KCNJ12: variants seen among roughly 807,000 people sequenced by gnomAD.
The protein encoded by KCNJ12 is potassium inwardly rectifying channel subfamily J member 12, also known as ATP-sensitive inward rectifier potassium channel 12.
Under a neutral mutation model 22.3 loss-of-function variants are expected in KCNJ12, and 2 were observed. The observed-to-expected ratio is 0.09, with a 90% confidence interval of 0.04 to 0.28. The LOEUF (loss-of-function observed/expected upper bound fraction) is 0.28, where lower values mean the gene tolerates loss of function less well. Ranked by LOEUF, KCNJ12 falls within the 10% of genes least tolerant of loss-of-function variation. The pLI, the probability that KCNJ12 is intolerant of heterozygous loss-of-function variation, is 1.00. For synonymous variants in KCNJ12, 117 were observed against 261.4 expected, an observed-to-expected ratio of 0.45 and a Z score of 5.33; for missense variants, 155 against 633.3, an observed-to-expected ratio of 0.24 and a Z score of 8.11.
intron 1 of KCNJ12, among the ~76,000 whole-genome samples, chr17:21,402,427 G>A (rs1331545112): frequency 6.6e-6 from 1 of 152,306 alleles, no homozygotes; most frequent in Non-Finnish European, 1.5e-5. Flanking sequence ...AGGCTGGGCA[G>A]ACGCCGCTGA....
rs1442171358 is a variant in KCNJ12 at position 21,418,308 on chromosome 17, G to C, written c.*1664G>C. 3.5e-5 allele frequency: 5 copies of C among 142,148 alleles called. No homozygotes were observed. The highest frequency in any genetic ancestry group is 6.1e-5 in the Non-Finnish European group (4 of 65,596). 8.8% of individuals were successfully genotyped at this position (142,148 alleles called of 1,614,324 possible). On this transcript the variant is annotated 3_prime_UTR_variant, in exon 3 of 3. Coordinates refer to ENST00000583088, the MANE Select transcript of KCNJ12 (RefSeq NM_021012.5). ...CCCCGAGACAGCTCAGAGCCAGAAG[G>C]CACCCCGAGACAGCTCAGAGCCAGA...
intron 1 of KCNJ12, among the ~76,000 whole-genome samples, chr17:21,378,157 C>T (rs1353595683): frequency 2.0e-5 from 3 of 152,208 alleles, no homozygotes; most frequent in East Asian, 1.9e-4. Flanking sequence ...AAAGGAGAGC[C>T]GGTCCCTGGC....
chr17:21,381,791 C>A (rs918589658), intron 1 of KCNJ12, among the ~76,000 whole-genome samples: 2 of 152,220 alleles, frequency 1.3e-5, no homozygotes, highest in Admixed American at 6.5e-5. Context: ...GTCTATCTTT[C>A]CCTTGGAATA....
intron 1 of KCNJ12, among the ~76,000 whole-genome samples, chr17:21,386,190 G>A (rs550738795): frequency 4.5e-4 from 68 of 152,342 alleles, no homozygotes; most frequent in Non-Finnish European, 8.5e-4. Flanking sequence ...GTTCCTCGCG[G>A]AGCCTCTGAG....
intron 1 of KCNJ12, among the ~76,000 whole-genome samples, chr17:21,407,993 T>TAATCCATCCATCCATC (rs1906075945): frequency 7.4e-6 from 1 of 134,472 alleles, no homozygotes; most frequent in African/African-American, 2.8e-5. Flanking sequence ...CACCCATCCA[T>TAATCCATCCATCCATC]CATCCATCCA....
At chr17:21,386,992 A>G (rs1413051232) in intron 1 of KCNJ12, among the ~76,000 whole-genome samples, 2 of 152,166 alleles carry the variant, frequency 1.3e-5, no homozygotes, top group African/African-American at 4.8e-5. Flanking sequence ...CAGATATGCC[A>G]CCCTGCATCC....
At position 21,419,447 on chromosome 17, in the gene KCNJ12, C is replaced by T. The variant is rs1204127705; in HGVS notation, c.*2803C>T. 6.0e-6 allele frequency: 1 copy of T among 167,104 alleles called. No individual in the cohort carries two copies. The highest frequency in any genetic ancestry group is 2.4e-5 in the African/African-American group (1 of 41,450). The allele number at this position is 167,104 out of a possible 1,614,324, so 10.4% of individuals were successfully genotyped here. ...CACAGGTGAACCCCACAGTCCCCGACCCTCTGCCCTGATTATGCACGTCTG... is the reference window on the plus strand; with the variant it reads ...CACAGGTGAACCCCACAGTCCCCGATCCTCTGCCCTGATTATGCACGTCTG... On this transcript the variant is annotated 3_prime_UTR_variant, in exon 3 of 3. Transcript: ENST00000583088.
intron 1 of KCNJ12, among the ~76,000 whole-genome samples, chr17:21,379,148 G>A (rs1904776176): frequency 6.6e-6 from 1 of 152,234 alleles, no homozygotes; most frequent in African/African-American, 2.4e-5. Flanking sequence ...GATAACAGGA[G>A]TAACAGCAGC....
At chr17:21,405,775 G>A (rs1324417961) in intron 1 of KCNJ12, among the ~76,000 whole-genome samples, 10 of 152,388 alleles carry the variant, frequency 6.6e-5, no homozygotes, top group African/African-American at 2.2e-4. Context: ...CTCACATGGC[G>A]GCTGCTGTGG....
chr17:21,410,167 G>C (rs1389630908), intron 2 of KCNJ12, among the ~76,000 whole-genome samples: 2 of 152,164 alleles, frequency 1.3e-5, no homozygotes, highest in African/African-American at 4.8e-5. Flanking sequence ...CTGGCTGCCT[G>C]TGCCCAGCCT....
At chr17:21,407,993 T>TCATCCATCCATCCACCCATC (rs1906076897) in intron 1 of KCNJ12, among the ~76,000 whole-genome samples, 1 of 134,470 alleles carries the variant, frequency 7.4e-6, no homozygotes, top group African/African-American at 2.8e-5. Context: ...CACCCATCCA[T>TCATCCATCCATCCACCCATC]CATCCATCCA....
At chr17:21,393,115 G>C (rs1257388137) in intron 1 of KCNJ12, among the ~76,000 whole-genome samples, 3 of 152,144 alleles carry the variant, frequency 2.0e-5, no homozygotes, top group East Asian at 1.9e-4. Context: ...GCTCTCCCTT[G>C]CCCTCCCCTG....
intron 1 of KCNJ12, among the ~76,000 whole-genome samples, chr17:21,400,835 G>A (rs1339915105): frequency 2.0e-5 from 3 of 152,308 alleles, no homozygotes; most frequent in African/African-American, 7.2e-5. Context: ...CTTTTAAAAT[G>A]TGTGATCTAG....
intron 2 of KCNJ12, among the ~76,000 whole-genome samples, chr17:21,413,563 A>G (rs1906501540): frequency 6.6e-6 from 1 of 151,076 alleles, no homozygotes; most frequent in Non-Finnish European, 1.5e-5. Flanking sequence ...CTAATGCTGG[A>G]AGGCCCAGGT....
chr17:21,412,441 G>A (rs1423579858), intron 2 of KCNJ12, among the ~76,000 whole-genome samples: 1 of 152,310 alleles, frequency 6.6e-6, no homozygotes, highest in Non-Finnish European at 1.5e-5. Flanking sequence ...TGCAGGCTTT[G>A]AGCTGCTCGG....
At chr17:21,412,055 A>T (rs2142075186) in intron 2 of KCNJ12, among the ~76,000 whole-genome samples, 1 of 152,424 alleles carries the variant, frequency 6.6e-6, no homozygotes, top group Non-Finnish European at 1.5e-5. Context: ...CACACACGGC[A>T]GAGCAGGGCT....
At chr17:21,411,753 C>T (rs1225197314) in intron 2 of KCNJ12, among the ~76,000 whole-genome samples, 1 of 152,296 alleles carries the variant, frequency 6.6e-6, no homozygotes, top group South Asian at 2.1e-4. Context: ...ACTGTATGCA[C>T]CCCATTGAGC....
intron 1 of KCNJ12, among the ~76,000 whole-genome samples, chr17:21,400,489 A>C (rs1905542050): frequency 6.6e-6 from 1 of 152,298 alleles, no homozygotes; most frequent in Non-Finnish European, 1.5e-5. Context: ...AGCCGGGCAC[A>C]GGGCTGACCA....
Position 21,396,140 on chromosome 17 carries a change from G to A in KCNJ12, c.-178-12379G>A, listed in dbSNP as rs142722842. ...GTCATTCCAAGGTGCCAGCTGCCCT[G>A]GCCTTGGGGTTGGCATGGGGGTGAG... On this transcript the variant is annotated intron_variant, in intron 1 of 2. Transcript: ENST00000583088. Among the ~76,000 whole-genome samples, 39 of 152,310 alleles carry A rather than the reference G, an allele frequency of 2.6e-4. 1 individual carries two copies. The East Asian group carries it at 7.5e-3, about 29-fold the overall frequency.
Sources: gnomAD v4.1 joint callset for allele counts (sites outside exome capture counted in the v4.1 genomes callset) on GRCh38, gnomAD v4.1.1 for gene constraint, MANE v1.5 for transcripts, NCBI Gene and HGNC (gene_info 2026-07-23, HGNC 2026-07-21) for gene names.